FAM161A: variants seen among roughly 807,000 people sequenced by gnomAD.
The protein encoded by FAM161A is protein FAM161A.
FAM161A carries 57 observed loss-of-function variants against 70.9 expected under a neutral mutation model. The ratio of observed to expected loss-of-function variants is 0.80; its 90% CI spans 0.65 to 1.00. The LOEUF is 1.00. Ranked by LOEUF, FAM161A falls within the 50% of genes least tolerant of loss-of-function variation. FAM161A has a pLI of 0.00. For synonymous variants in FAM161A, 299 were observed against 295.7 expected, an observed-to-expected ratio of 1.01 and a Z score of -0.12; for missense variants, 880 against 836.0, an observed-to-expected ratio of 1.05 and a Z score of -0.65.
chr2:61,809,584 A>G, the FAM161A span, among the ~76,000 whole-genome samples: 32 of 152,312 alleles, frequency 2.1e-4, no homozygotes, highest in Non-Finnish European at 2.9e-5. Flanking sequence ...CTCTGAGACA[A>G]GGAGATCCGT....
chr2:61,801,496 CAAA>C, the FAM161A span, among the ~76,000 whole-genome samples: 2 of 128,148 alleles, frequency 1.6e-5, no homozygotes. Context: ...GGCTCCGTCT[CAAA>C]AAAAAAAAAA....
intron 5 of FAM161A, among the ~76,000 whole-genome samples, chr2:61,830,312 A>G (rs1370400890): frequency 6.6e-6 from 1 of 152,148 alleles, no homozygotes; most frequent in Non-Finnish European, 1.5e-5. Flanking sequence ...TCCAAAAATT[A>G]TTTAGGAAGA....
At position 61,825,616 on chromosome 2, in the gene FAM161A, G is replaced by T; in HGVS notation, c.*839C>A. On this transcript the variant is annotated 3_prime_UTR_variant, in exon 7 of 7. Transcript: ENST00000404929. The stretch of plus-strand genomic sequence containing the variant: ...TCAGTGCAAAAATAAATGTAAATTT[G>T]CAAGTATCCATTTTTTTCTATACTT... 1 of 438,802 alleles carries T rather than the reference G, an allele frequency of 2.3e-6. No homozygotes were observed. Among genetic ancestry groups the T allele is most frequent in the South Asian group, 1.7e-5 (1 of 59,984 alleles). 27.2% of individuals were successfully genotyped at this position (438,802 alleles called of 1,614,324 possible).
the FAM161A span, among the ~76,000 whole-genome samples, chr2:61,810,262 C>G: frequency 6.6e-6 from 1 of 152,060 alleles, no homozygotes; most frequent in Non-Finnish European, 1.5e-5. Context: ...ATAAGGGGTG[C>G]TCTAAGGAGC....
In FAM161A at chr2:61,824,922, T is replaced by C; in HGVS notation, c.*1533A>G. 1 of 452,138 alleles carries C rather than the reference T, an allele frequency of 2.2e-6. No homozygotes were observed. The highest frequency in any genetic ancestry group is 4.4e-6 in the Non-Finnish European group (1 of 226,366). 28.0% of individuals were successfully genotyped at this position (452,138 alleles called of 1,614,324 possible). A position where few individuals can be genotyped will look rare whatever the true frequency, so the allele number is the denominator to read the frequency against. Reference sequence around the variant, plus strand: ...AATACTGTTCCAAATATTAAGGGAATACAAAGATGAATTTTTAAATGGTGC... The same window carrying C: ...AATACTGTTCCAAATATTAAGGGAACACAAAGATGAATTTTTAAATGGTGC... On this transcript the variant is annotated 3_prime_UTR_variant, in exon 7 of 7. Transcript: ENST00000404929.
Position 61,827,269 on chromosome 2 carries a change from G to C in FAM161A, c.1852-11C>G, listed in dbSNP as rs1558474231. 1.9e-6 allele frequency: 3 copies of C among 1,612,020 alleles called. 1 individual carries two copies. Among genetic ancestry groups the C allele is most frequent in the East Asian group, 4.5e-5 (2 of 44,822 alleles). On this transcript the variant is annotated splice_polypyrimidine_tract_variant and intron_variant, in intron 5 of 6. Transcript: ENST00000404929. ...CATTCTTGCATTTTTCTATAGGAAA[G>C]ACAAACCTTTTTAGACGAGAACAGA... is the stretch of plus-strand genomic sequence containing the variant.
the FAM161A span, among the ~76,000 whole-genome samples, chr2:61,806,680 C>CTTTTTTTTTTTTTTTTT: frequency 4.2e-4 from 26 of 61,594 alleles, 6 homozygotes; most frequent in Admixed American, 1.0e-3. Flanking sequence ...CTTTCCACGT[C>CTTTTTTTTTTTTTTTTT]TTTTTTTTTT....
At chr2:61,833,094 A>G (rs904775422) in intron 5 of FAM161A, among the ~76,000 whole-genome samples, 1 of 152,080 alleles carries the variant, frequency 6.6e-6, no homozygotes, top group Non-Finnish European at 1.5e-5. Context: ...ACCAAACAAA[A>G]TTAGTAATTA....
chr2:61,809,798 G>T, the FAM161A span, among the ~76,000 whole-genome samples: 1 of 152,128 alleles, frequency 6.6e-6, no homozygotes, highest in African/African-American at 2.4e-5. Context: ...GCAGCACTGT[G>T]GACCTCATGA....
chr2:61,853,114 G>T lies in FAM161A; in HGVS notation c.183+745C>A, dbSNP rs549713379. ...TTTAGTACAGACGGGGTTTCACCATGTTGGTCAGGCTGGTCTCGAACTCCT... is the reference window on the plus strand; with the variant it reads ...TTTAGTACAGACGGGGTTTCACCATTTTGGTCAGGCTGGTCTCGAACTCCT... On this transcript the variant is annotated intron_variant, in intron 1 of 6. Coordinates refer to ENST00000404929, the MANE Select transcript of FAM161A (RefSeq NM_001201543.2). Among the ~76,000 whole-genome samples, 5 of 152,036 alleles carry T rather than the reference G, an allele frequency of 3.3e-5. No individual in the cohort carries two copies. In the East Asian group the frequency reaches 9.7e-4, roughly 29 times the overall value.
chr2:61,839,398 A>G (rs1462013090), intron 3 of FAM161A, 23 bp downstream of exon 3: 1 of 1,612,998 alleles, frequency 6.2e-7, no homozygotes, highest in Admixed American at 1.7e-5. Context: ...TGAGTCAGTC[A>G]GTACTGCGTC....
chr2:61,844,316 C>A (rs1673128106), intron 1 of FAM161A, among the ~76,000 whole-genome samples: 1 of 152,172 alleles, frequency 6.6e-6, no homozygotes, highest in Non-Finnish European at 1.5e-5. Flanking sequence ...TGCAGGATGA[C>A]TACTTTGTGA....
In FAM161A at chr2:61,839,874, T is replaced by C; in HGVS notation, c.1130A>G (p.Glu377Gly). The stretch of plus-strand genomic sequence containing the variant: ...CTGTGTCCTAAGGTTTCGATAGAGC[T>C]CTTCTTCTTTTAACTTGTCATTGGT... ...STTNDKLKEEELYRNLRTQLR... is the reference protein window; with the variant it reads ...STTNDKLKEEGLYRNLRTQLR... Residue 377 changes from glutamate to glycine, a missense_variant, in exon 3 of 7, where the codon GAG (glutamate) becomes GGG (glycine). Glu to Gly is a moderately conservative substitution (Grantham distance 98). Coordinates refer to ENST00000404929, the MANE Select transcript of FAM161A (RefSeq NM_001201543.2). The C allele has an allele frequency of 6.2e-7, 1 of 1,614,166 alleles. No homozygotes were observed. The highest frequency in any genetic ancestry group is 8.5e-7 in the Non-Finnish European group (1 of 1,179,998).
chr2:61,819,613 G>A, the FAM161A span, among the ~76,000 whole-genome samples: 3 of 151,990 alleles, frequency 2.0e-5, no homozygotes, highest in East Asian at 1.9e-4. Context: ...CTATATTAGT[G>A]AACATTTTTT....
At chr2:61,810,068 C>T in the FAM161A span, among the ~76,000 whole-genome samples, 20 of 152,334 alleles carry the variant, frequency 1.3e-4, no homozygotes, top group East Asian at 3.7e-3. Flanking sequence ...GAAAATTTGT[C>T]ACCCAGTTGA....
Position 61,840,394 on chromosome 2 carries a change from T to C in FAM161A, c.610A>G (p.Thr204Ala). The C allele has an allele frequency of 6.2e-7, 1 of 1,614,130 alleles. No individual in the cohort carries two copies. Among genetic ancestry groups the C allele is most frequent in the Non-Finnish European group, 8.5e-7 (1 of 1,180,000 alleles). The change falls in exon 3 of 7, where the codon ACA (threonine) becomes GCA (alanine). Residue 204 changes from threonine to alanine, a missense_variant. Physicochemically the swap from Thr to Ala is moderately conservative, Grantham distance 58. Transcript: ENST00000404929. Reference sequence around the variant, plus strand: ...ATATAATCCTCAACACAAAAGTCTGTCCACATATTGTTGATGAGCTCCTTA... The same window carrying C: ...ATATAATCCTCAACACAAAAGTCTGCCCACATATTGTTGATGAGCTCCTTA... ...YAKELINNMW[T>A]DFCVEDYIRC...
Position 61,839,894 on chromosome 2 carries a change from A to G in FAM161A, c.1110T>C (p.Asn370=), listed in dbSNP as rs1052814907. ...IPRSTYGSTT[N]DKLKEEELYR... Reference sequence around the variant, plus strand: ...AGAGCTCTTCTTCTTTTAACTTGTCATTGGTAGTTGAACCATAAGTAGATC... The same window carrying G: ...AGAGCTCTTCTTCTTTTAACTTGTCGTTGGTAGTTGAACCATAAGTAGATC... Residue 370 remains asparagine, a synonymous_variant, in exon 3 of 7, where the codon AAT becomes AAC. Coordinates refer to ENST00000404929, the MANE Select transcript of FAM161A (RefSeq NM_001201543.2). 2 of 1,614,064 alleles carry G rather than the reference A, an allele frequency of 1.2e-6. No individual in the cohort carries two copies. The highest frequency in any genetic ancestry group is 2.7e-5 in the African/African-American group (2 of 74,916).
At chr2:61,847,234 C>A (rs1286665415) in intron 1 of FAM161A, among the ~76,000 whole-genome samples, 1 of 152,210 alleles carries the variant, frequency 6.6e-6, no homozygotes, top group South Asian at 2.1e-4. Flanking sequence ...CCCTAGGATG[C>A]CTTTTCCTCC....
downstream of FAM161A, chr2:61,824,841 A>C (rs1306042404): frequency 7.1e-5 from 27 of 381,332 alleles, no homozygotes; most frequent in Non-Finnish European, 1.3e-4. Context: ...AGTATATAAA[A>C]ACCATATTCA....
Sources: allele counts gnomAD v4.1 joint callset (sites outside exome capture counted in the v4.1 genomes callset), GRCh38; gene constraint gnomAD v4.1.1; transcripts MANE v1.5; gene names NCBI Gene and HGNC (gene_info 2026-07-23, HGNC 2026-07-21).